Variants in SLF1 observed in about 807,000 individuals in gnomAD.
SLF1 encodes the protein SMC5/6 complex localization factor 1.
SLF1 carries 105 observed loss-of-function variants against 123.0 expected under a neutral mutation model. The ratio of observed to expected loss-of-function variants is 0.85; its 90% CI spans 0.73 to 1.00. The LOEUF (loss-of-function observed/expected upper bound fraction) is 1.00, where lower values mean the gene tolerates loss of function less well. Among genes scored for constraint, SLF1 ranks in the 50% least tolerant of loss-of-function variants. The pLI is 0.00. For synonymous variants in SLF1, 434 were observed against 406.6 expected, an observed-to-expected ratio of 1.07 and a Z score of -0.81; for missense variants, 1,239 against 1,223.0, an observed-to-expected ratio of 1.01 and a Z score of -0.20.
At chr5:94,635,971 G>A (rs1745722498) in intron 4 of SLF1, among the ~76,000 whole-genome samples, 1 of 152,078 alleles carries the variant, frequency 6.6e-6, no homozygotes, top group Admixed American at 6.5e-5. Flanking sequence ...ATTCCTATCA[G>A]GCAGCCCTTA....
At chr5:94,689,441 A>C in intron 17 of SLF1, 32 bp from the exon 18 acceptor site, 1 of 1,592,802 alleles carries the variant, frequency 6.3e-7, no homozygotes, top group Non-Finnish European at 8.5e-7. Context: ...GCTGAAAAAC[A>C]AGCTTTCATT....
chr5:94,657,255 T>G (rs568643939), intron 9 of SLF1, among the ~76,000 whole-genome samples: 70 of 152,082 alleles, frequency 4.6e-4, no homozygotes, highest in Non-Finnish European at 9.3e-4. Flanking sequence ...TCCATTTTTA[T>G]TTATTATAAG....
rs753268442 is a variant in SLF1 at position 94,692,113 on chromosome 5, A to G, written c.2552A>G (p.Tyr851Cys). 47 of 1,613,634 alleles carry G rather than the reference A, an allele frequency of 2.9e-5. No individual in the cohort carries two copies. Among genetic ancestry groups the G allele is most frequent in the African/African-American group, 5.3e-5 (4 of 74,894 alleles). The change falls in exon 20 of 21, where the codon TAT becomes TGT. Residue 851 changes from tyrosine (Y) to cysteine (C), a missense_variant. Coordinates refer to ENST00000265140, the MANE Select transcript of SLF1 (RefSeq NM_032290.4). ...GWTPLHEACNYGNTVCVQEIL... is the reference protein window; with the variant it reads ...GWTPLHEACNCGNTVCVQEIL... ...ACGCCTTTGCATGAAGCCTGTAACTATGGCAACACAGTGTGTGTCCAGGAA... is the reference window on the plus strand; with the variant it reads ...ACGCCTTTGCATGAAGCCTGTAACTGTGGCAACACAGTGTGTGTCCAGGAA...
intron 6 of SLF1, among the ~76,000 whole-genome samples, chr5:94,650,697 T>G (rs1747605818): frequency 6.6e-6 from 1 of 152,224 alleles, no homozygotes; most frequent in Non-Finnish European, 1.5e-5. Context: ...AAACTTAAAA[T>G]ATTTTTGCAT....
intron 12 of SLF1, among the ~76,000 whole-genome samples, chr5:94,667,274 AAGTACAAGCCCAAC>A (rs1336288360): frequency 1.3e-5 from 2 of 152,160 alleles, no homozygotes; most frequent in East Asian, 3.8e-4. Context: ...TACCGCACAA[AAGTACAAGCCCAAC>A]AGTACAAGCC....
intron 4 of SLF1, among the ~76,000 whole-genome samples, chr5:94,636,038 C>T (rs906375790): frequency 1.3e-5 from 2 of 152,064 alleles, no homozygotes; most frequent in African/African-American, 2.4e-5. Flanking sequence ...CCCTTATTTC[C>T]GAAGAACAGT....
In SLF1 at chr5:94,689,503, A is replaced by G. The variant is rs140603250; in HGVS notation, c.2316A>G (p.Ser772=). 103 of 1,612,764 alleles carry G rather than the reference A, an allele frequency of 6.4e-5. 1 individual carries two copies. The African/African-American group carries it at 1.2e-3, about 19-fold the overall frequency. Residue 772 remains serine, a synonymous_variant, in exon 18 of 21, where the codon TCA becomes TCG. Transcript: ENST00000265140. ...LDLNLAKCSS[S]LKKLKKKSEG... ...TGAACCTTGCTAAATGTTCCTCATC[A>G]TTAAAAAAATTGAAAAAGAAGTCAG...
In SLF1 at chr5:94,694,959, C is replaced by T. The variant is rs766996213; in HGVS notation, c.2824C>T (p.Gln942Ter). Residue 942 changes from glutamine (Q) to a stop codon, truncating the protein, a stop_gained, in exon 21 of 21, where the codon CAA (glutamine) becomes TAA (stop). Transcript: ENST00000265140. LOFTEE classifies it high-confidence loss of function. ...IEDTVENFHA[Q>*]AEKHFHYQQL... ...AGATACAGTGGAGAACTTTCATGCA[C>T]AAGCAGAGAAACATTTTCATTACCA... is the stretch of plus-strand genomic sequence containing the variant. 1 of 1,612,636 alleles carries T rather than the reference C, an allele frequency of 6.2e-7. No individual in the cohort carries two copies. The highest frequency in any genetic ancestry group is 8.5e-7 in the Non-Finnish European group (1 of 1,179,134).
At chr5:94,674,842 T>G (rs1750863054) in intron 14 of SLF1, among the ~76,000 whole-genome samples, 1 of 152,252 alleles carries the variant, frequency 6.6e-6, no homozygotes, top group Non-Finnish European at 1.5e-5. Flanking sequence ...AGTCCCACTT[T>G]TCTTTGAGAT....
chr5:94,692,978 GAAAA>G (rs1447751341), intron 20 of SLF1, among the ~76,000 whole-genome samples: 2 of 151,908 alleles, frequency 1.3e-5, no homozygotes, highest in African/African-American at 4.8e-5. Flanking sequence ...GCTTTTAAAA[GAAAA>G]AAAGAAAACT....
chr5:94,634,105 T>C (rs1353186125), intron 4 of SLF1, among the ~76,000 whole-genome samples: 1 of 152,230 alleles, frequency 6.6e-6, no homozygotes, highest in Non-Finnish European at 1.5e-5. Flanking sequence ...AATTCCCAAT[T>C]ACTGATAGAA....
chr5:94,663,473 G>A (rs1667543742), intron 10 of SLF1, among the ~76,000 whole-genome samples: 1 of 152,158 alleles, frequency 6.6e-6, no homozygotes, highest in Non-Finnish European at 1.5e-5. Context: ...GTGAAACCCC[G>A]TCTCTGCTAA....
intron 4 of SLF1, among the ~76,000 whole-genome samples, chr5:94,636,433 T>C (rs1348659099): frequency 6.6e-6 from 1 of 152,132 alleles, no homozygotes; most frequent in Non-Finnish European, 1.5e-5. Context: ...ATAATTCCCA[T>C]AGGCTTTCTT....
intron 1 of SLF1, among the ~76,000 whole-genome samples, chr5:94,619,495 A>C (rs990790836): frequency 1.3e-5 from 2 of 149,644 alleles, no homozygotes; most frequent in Non-Finnish European, 1.5e-5. Flanking sequence ...AAATATTGAC[A>C]AAAAAAAAAT....
chr5:94,685,451 C>T (rs1365082874), intron 15 of SLF1, among the ~76,000 whole-genome samples: 1 of 151,666 alleles, frequency 6.6e-6, no homozygotes, highest in Non-Finnish European at 1.5e-5. Flanking sequence ...TTTTTGATAT[C>T]CTCTTGGTTG....
chr5:94,644,181 T>C (rs776827281), intron 5 of SLF1, among the ~76,000 whole-genome samples: 4 of 152,176 alleles, frequency 2.6e-5, no homozygotes, highest in Non-Finnish European at 4.4e-5. Flanking sequence ...TCTGCACTTC[T>C]GTACTAACAT....
At chr5:94,673,691 TAAA>T (rs35649653) in intron 14 of SLF1, among the ~76,000 whole-genome samples, 62 of 119,710 alleles carry the variant, frequency 5.2e-4, no homozygotes, top group Admixed American at 1.2e-3. Flanking sequence ...CCTTGTCTCT[TAAA>T]AAAAAAAAAA....
chr5:94,639,164 C>T (rs1746168468), intron 4 of SLF1, among the ~76,000 whole-genome samples: 1 of 151,194 alleles, frequency 6.6e-6, no homozygotes, highest in Admixed American at 6.6e-5. Flanking sequence ...CCTCAGCTTC[C>T]CGAATAACTG....
chr5:94,688,121 AAGAC>A (rs1399668763), intron 16 of SLF1, among the ~76,000 whole-genome samples: 1 of 151,966 alleles, frequency 6.6e-6, no homozygotes, highest in Non-Finnish European at 1.5e-5. Flanking sequence ...CTGTTGAAGA[AAGAC>A]TTGTTTTCTG....
Sources: gnomAD v4.1 joint callset for allele counts (sites outside exome capture counted in the v4.1 genomes callset) on GRCh38, gnomAD v4.1.1 for gene constraint, MANE v1.5 for transcripts, NCBI Gene and HGNC (gene_info 2026-07-23, HGNC 2026-07-21) for gene names.